DDR1: variants seen among roughly 807,000 people sequenced by gnomAD.
DDR1 encodes epithelial discoidin domain-containing receptor 1.
DDR1 carries 64 observed loss-of-function variants against 97.4 expected under a neutral mutation model. The ratio of observed to expected loss-of-function variants is 0.66; its 90% CI spans 0.54 to 0.81. The LOEUF is 0.81. DDR1 is among the 30% of genes least tolerant of loss of function. DDR1 has a pLI of 0.00. For synonymous variants in DDR1, 458 were observed against 503.7 expected, an observed-to-expected ratio of 0.91 and a Z score of 1.21; for missense variants, 990 against 1,259.6, an observed-to-expected ratio of 0.79 and a Z score of 3.24.
rs1049621 is a variant in DDR1, at chr6:30,889,293, C to G, written c.280C>G (p.Leu94Val). ...GTACTTGCAGGTGGATCTACAACGA[C>G]TGCACCTGGTGGCTCTGGTGGGCAC... Reference protein sequence around the residue: ...EEYLQVDLQRLHLVALVGTQG... With the variant: ...EEYLQVDLQRVHLVALVGTQG... The change falls in exon 4 of 18, where the codon CTG becomes GTG. Residue 94 changes from leucine to valine, a missense_variant. Leu to Val is a conservative substitution (Grantham distance 32). Transcript: ENST00000376568. The surrounding 1 kb of genome is among the most constrained non-coding windows in gnomAD (Gnocchi z 4.9). The G allele has an allele frequency of 6.2e-6, 10 of 1,612,828 alleles. No individual in the cohort carries two copies. The South Asian group carries it at 7.7e-5, about 12-fold the overall frequency.
chr6:30,888,493 T>C lies in DDR1; in HGVS notation c.-42-195T>C. ...TGAAGTGACTGTGAAGATAAAATTA[T>C]GGATTCTGTTTAAGGGTTTAGGCCA... is the stretch of plus-strand genomic sequence containing the variant. On this transcript the variant is annotated intron_variant, in intron 1 of 17. Coordinates refer to ENST00000376568, the MANE Select transcript of DDR1 (RefSeq NM_001297654.2). The surrounding 1 kb of genome is among the most constrained non-coding windows in gnomAD (Gnocchi z 4.2). The C allele has an allele frequency of 6.5e-6, 4 of 613,926 alleles. No individual in the cohort carries two copies. The highest frequency in any genetic ancestry group is 1.1e-5 in the Non-Finnish European group (4 of 355,658). 38.0% of individuals were successfully genotyped at this position (613,926 alleles called of 1,614,324 possible). A position where few individuals can be genotyped will look rare whatever the true frequency, so the allele number is the denominator to read the frequency against.
chr6:30,899,027 A>G lies in DDR1; in HGVS notation c.2591A>G (p.Gln864Arg), dbSNP rs139777106. 7.4e-6 allele frequency: 12 copies of G among 1,614,160 alleles called. No individual in the cohort carries two copies. The highest frequency in any genetic ancestry group is 1.6e-4 in the Middle Eastern group (1 of 6,062). Residue 864 changes from glutamine (Q) to arginine (R), a missense_variant, in exon 17 of 18, where the codon CAG (glutamine) becomes CGG (arginine). Physicochemically the swap from Gln to Arg is conservative, Grantham distance 43. Coordinates refer to ENST00000376568, the MANE Select transcript of DDR1 (RefSeq NM_001297654.2). ...IENAGEFFRD[Q>R]GRQVYLSRPP... Reference sequence around the variant, plus strand: ...AACGCGGGGGAGTTCTTCCGGGACCAGGGCCGGCAGGTCAGAGTGGAGGAG... The same window carrying G: ...AACGCGGGGGAGTTCTTCCGGGACCGGGGCCGGCAGGTCAGAGTGGAGGAG...
chr6:30,895,390 CCTT>C lies in DDR1; in HGVS notation c.1514-11_1514-9del. 1 of 1,601,248 alleles carries C rather than the reference CCTT, an allele frequency of 6.2e-7. No homozygotes were observed. The highest frequency in any genetic ancestry group is 8.5e-7 in the Non-Finnish European group (1 of 1,172,408). The stretch of plus-strand genomic sequence containing the variant: ...ATCCCTTCCCCGTGTTTCCCCTCCT[CCTT>C]CTCCCGACAGCGTTGCTGCTCTCCA... On this transcript the variant is annotated splice_polypyrimidine_tract_variant and intron_variant, in intron 11 of 17. Transcript: ENST00000376568.
Position 30,897,511 on chromosome 6 carries a change from C to T in DDR1, c.2130C>T (p.Asn710=), listed in dbSNP as rs765600722. Residue 710 remains asparagine (N), a synonymous_variant, in exon 15 of 18, where the codon AAC becomes AAT. Transcript: ENST00000376568. This position sits in a 1 kb window ranked among gnomAD's most constrained non-coding sequence, Gnocchi z 5.2. ...ACTACATGGAGAACGGCGACCTCAA[C>T]CAGTTCCTCAGTGCCCACCAGCTGG... The part of the protein sequence containing the change: ...ITDYMENGDL[N]QFLSAHQLED... 1 of 1,614,164 alleles carries T rather than the reference C, an allele frequency of 6.2e-7. No individual in the cohort carries two copies. Among genetic ancestry groups the T allele is most frequent in the Non-Finnish European group, 8.5e-7 (1 of 1,180,024 alleles).
At chr6:30,885,576 T>G in intron 1 of DDR1, 4 of 1,405,676 alleles carry the variant, frequency 2.8e-6, no homozygotes, top group Non-Finnish European at 3.7e-6. Context: ...TGTCTCATGC[T>G]GTCTTTTGGT....
At position 30,894,676 on chromosome 6, in the gene DDR1, G is replaced by A; in HGVS notation, c.1513+5G>A. The A allele has an allele frequency of 6.3e-7, 1 of 1,593,230 alleles. No individual in the cohort carries two copies. ...CCTGTGTCCCCAATGGCTCTGGTAA[G>A]ACCTGCCTTGTTCCAGTCGCACCTC... is the stretch of plus-strand genomic sequence containing the variant. On this transcript the variant is annotated splice_donor_5th_base_variant and intron_variant, in intron 11 of 17. Coordinates refer to ENST00000376568, the MANE Select transcript of DDR1 (RefSeq NM_001297654.2). The surrounding 1 kb of genome is among the most constrained non-coding windows in gnomAD (Gnocchi z 5.7).
rs140976232 is a variant in DDR1, at chr6:30,889,064, C to T, written c.188+54C>T. The T allele has an allele frequency of 1.3e-6, 2 of 1,597,344 alleles. No homozygotes were observed. Among genetic ancestry groups the T allele is most frequent in the East Asian group, 2.2e-5 (1 of 44,796 alleles). On this transcript the variant is annotated intron_variant, in intron 3 of 17. Coordinates refer to ENST00000376568, the MANE Select transcript of DDR1 (RefSeq NM_001297654.2). The surrounding 1 kb of genome is among the most constrained non-coding windows in gnomAD (Gnocchi z 4.9). ...CTGCCCCGAGAGGAGCTCCTGGGACCTCTACTTCCCCTCCAACCCCTCTGC... is the reference window on the plus strand; with the variant it reads ...CTGCCCCGAGAGGAGCTCCTGGGACTTCTACTTCCCCTCCAACCCCTCTGC...
Position 30,898,117 on chromosome 6 carries a change from T to C in DDR1, c.2261T>C (p.Met754Thr). 10 of 1,614,250 alleles carry C rather than the reference T, an allele frequency of 6.2e-6. No individual in the cohort carries two copies. The highest frequency in any genetic ancestry group is 1.1e-5 in the South Asian group (1 of 91,090). ...LHVAAQIASG[M>T]RYLATLNFVH... The stretch of plus-strand genomic sequence containing the variant: ...GTGGCAGCCCAGATCGCCTCCGGCA[T>C]GCGCTATCTGGCCACACTCAACTTT... Residue 754 changes from methionine (M) to threonine (T), a missense_variant, in exon 16 of 18, where the codon ATG (methionine) becomes ACG (threonine). Coordinates refer to ENST00000376568, the MANE Select transcript of DDR1 (RefSeq NM_001297654.2).
In DDR1 at chr6:30,888,485, T is replaced by A; in HGVS notation, c.-42-203T>A. 1.6e-6 allele frequency: 1 copy of A among 608,274 alleles called. No homozygotes were observed. The highest frequency in any genetic ancestry group is 2.9e-6 in the Non-Finnish European group (1 of 350,808). 37.7% of individuals were successfully genotyped at this position (608,274 alleles called of 1,614,324 possible). A position where few individuals can be genotyped will look rare whatever the true frequency, so the allele number is the denominator to read the frequency against. On this transcript the variant is annotated intron_variant, in intron 1 of 17. Coordinates refer to ENST00000376568, the MANE Select transcript of DDR1 (RefSeq NM_001297654.2). This position sits in a 1 kb window ranked among gnomAD's most constrained non-coding sequence, Gnocchi z 4.2. ...CTACCTTATGAAGTGACTGTGAAGA[T>A]AAAATTATGGATTCTGTTTAAGGGT...
In DDR1 at chr6:30,897,177, G is replaced by A. The variant is rs767054415; in HGVS notation, c.1997+36G>A. 7 of 1,610,078 alleles carry A rather than the reference G, an allele frequency of 4.3e-6. No homozygotes were observed. The African/African-American group carries it at 8.0e-5, about 18-fold the overall frequency. On this transcript the variant is annotated intron_variant, in intron 14 of 17. Coordinates refer to ENST00000376568, the MANE Select transcript of DDR1 (RefSeq NM_001297654.2). The surrounding 1 kb of genome is among the most constrained non-coding windows in gnomAD (Gnocchi z 5.2). ...GGGATGGCATCTGGAAGAAGGGAGG[G>A]GAGGCCGTGAAGAGTGGGGAGCCAT... is the stretch of plus-strand genomic sequence containing the variant.
In DDR1 at chr6:30,891,360, A is replaced by G; in HGVS notation, c.566-20A>G. 1.2e-6 allele frequency: 2 copies of G among 1,600,652 alleles called. No homozygotes were observed. The highest frequency in any genetic ancestry group is 8.5e-7 in the Non-Finnish European group (1 of 1,169,682). The stretch of plus-strand genomic sequence containing the variant: ...TGGAGCCTTAGTGCCTCTGACCCCC[A>G]TCCTCTCACCCTGCCCCAGATGGAC... On this transcript the variant is annotated intron_variant, in intron 5 of 17. Coordinates refer to ENST00000376568, the MANE Select transcript of DDR1 (RefSeq NM_001297654.2). The surrounding 1 kb of genome is among the most constrained non-coding windows in gnomAD (Gnocchi z 5.3).
chr6:30,899,295 G>T lies in DDR1; in HGVS notation c.2741G>T (p.Ter914LeuextTer39). ...FLAEDALNTV[*>L] ...GCAGAGGATGCACTCAACACGGTGT[G>T]AATCACACATCCAGCTGCCCCTCCC... is the stretch of plus-strand genomic sequence containing the variant. Residue 914 changes from the stop codon to leucine (L), a stop_lost, in exon 18 of 18, where the codon TGA becomes TTA. Transcript: ENST00000376568. 6.2e-7 allele frequency: 1 copy of T among 1,605,096 alleles called. No homozygotes were observed. Among genetic ancestry groups the T allele is most frequent in the Non-Finnish European group, 8.5e-7 (1 of 1,173,386 alleles).
In DDR1 at chr6:30,890,891, TG is replaced by T; in HGVS notation, c.418-79del. 1.4e-6 allele frequency: 2 copies of T among 1,464,886 alleles called. No individual in the cohort carries two copies. The highest frequency in any genetic ancestry group is 1.8e-6 in the Non-Finnish European group (2 of 1,097,944). The allele number at this position is 1,464,886 out of a possible 1,614,324, so 90.7% of individuals were successfully genotyped here. ...GGGTCTCTAAGTGGCCACTGTGGGC[TG>T]GGCCAGGGAGCAGCTGGTGGGTGGG... is the stretch of plus-strand genomic sequence containing the variant. On this transcript the variant is annotated intron_variant, in intron 4 of 17. Coordinates refer to ENST00000376568, the MANE Select transcript of DDR1 (RefSeq NM_001297654.2). The surrounding 1 kb of genome is among the most constrained non-coding windows in gnomAD (Gnocchi z 5.0).
intron 8 of DDR1, 97 bp downstream of exon 8, chr6:30,892,639 A>C (rs934471345): frequency 6.9e-7 from 1 of 1,455,792 alleles, no homozygotes. Flanking sequence ...TCCTTGCATT[A>C]TATCTACCCA....
In DDR1 at chr6:30,896,786, G is replaced by A. The variant is rs1469112734; in HGVS notation, c.1790G>A (p.Gly597Glu). Residue 597 changes from glycine (G) to glutamate (E), a missense_variant, in exon 13 of 18, where the codon GGG (glycine) becomes GAG (glutamate). Coordinates refer to ENST00000376568, the MANE Select transcript of DDR1 (RefSeq NM_001297654.2). Reference protein sequence around the residue: ...AVPALPPGAVGDGPPRVDFPR... With the variant: ...AVPALPPGAVEDGPPRVDFPR... Reference sequence around the variant, plus strand: ...CCTGCACTGCCCCCAGGGGCAGTCGGGGATGGGCCCCCCAGAGTGGATTTC... The same window carrying A: ...CCTGCACTGCCCCCAGGGGCAGTCGAGGATGGGCCCCCCAGAGTGGATTTC... 2 of 1,583,804 alleles carry A rather than the reference G, an allele frequency of 1.3e-6. No homozygotes were observed. Among genetic ancestry groups the A allele is most frequent in the Admixed American group, 3.5e-5 (2 of 56,606 alleles).
Position 30,888,327 on chromosome 6 carries a change from T to G in DDR1, c.-42-361T>G. On this transcript the variant is annotated intron_variant, in intron 1 of 17. Transcript: ENST00000376568. This position sits in a 1 kb window ranked among gnomAD's most constrained non-coding sequence, Gnocchi z 4.2. Reference sequence around the variant, plus strand: ...GTGTTATAAACATTTTTTGCACACTTGTTGTTTGTTCTAAGCCGTTGTTTA... The same window carrying G: ...GTGTTATAAACATTTTTTGCACACTGGTTGTTTGTTCTAAGCCGTTGTTTA... 4.6e-6 allele frequency: 1 copy of G among 219,358 alleles called. No individual in the cohort carries two copies. Among genetic ancestry groups the G allele is most frequent in the East Asian group, 9.8e-5 (1 of 10,222 alleles). The allele number at this position is 219,358 out of a possible 1,614,324, so 13.6% of individuals were successfully genotyped here.
In DDR1 at chr6:30,891,993, C is replaced by A; in HGVS notation, c.666-9C>A. 1 of 1,613,758 alleles carries A rather than the reference C, an allele frequency of 6.2e-7. No individual in the cohort carries two copies. Among genetic ancestry groups the A allele is most frequent in the South Asian group, 1.1e-5 (1 of 91,066 alleles). ...CCAACCTCCTCTTCCTTGGTCCCCTCTTCTCCAGACTGCAGTATGGGGGTC... is the reference window on the plus strand; with the variant it reads ...CCAACCTCCTCTTCCTTGGTCCCCTATTCTCCAGACTGCAGTATGGGGGTC... On this transcript the variant is annotated splice_polypyrimidine_tract_variant and intron_variant, in intron 6 of 17. Coordinates refer to ENST00000376568, the MANE Select transcript of DDR1 (RefSeq NM_001297654.2). The surrounding 1 kb of genome is among the most constrained non-coding windows in gnomAD (Gnocchi z 5.3).
chr6:30,885,451 C>A (rs1165350432), intron 1 of DDR1: 3 of 849,996 alleles, frequency 3.5e-6, no homozygotes, highest in Admixed American at 5.8e-5. Flanking sequence ...CTCTTCCCAC[C>A]CAGCGCCCAC....
chr6:30,894,759 TC>T lies in DDR1; in HGVS notation c.1513+92del. On this transcript the variant is annotated intron_variant, in intron 11 of 17. Transcript: ENST00000376568. The surrounding 1 kb of genome is among the most constrained non-coding windows in gnomAD (Gnocchi z 5.7). ...TTCCCATTCTCTTTTTTTCCTGTCT[TC>T]CCCAGTTTCCACTTGTTTTCTTCTT... 1 of 1,395,012 alleles carries T rather than the reference TC, an allele frequency of 7.2e-7. No individual in the cohort carries two copies. Among genetic ancestry groups the T allele is most frequent in the Non-Finnish European group, 9.6e-7 (1 of 1,042,962 alleles). 86.4% of individuals were successfully genotyped at this position (1,395,012 alleles called of 1,614,324 possible).
Sources: allele counts gnomAD v4.1 joint callset, GRCh38; gene constraint gnomAD v4.1.1; non-coding constraint Gnocchi (gnomAD v3.1); transcripts MANE v1.5; gene names NCBI Gene and HGNC (gene_info 2026-07-23, HGNC 2026-07-21).